GFOD2: variants seen among roughly 807,000 people sequenced by gnomAD.
GFOD2 encodes the protein glucose-fructose oxidoreductase domain-containing protein 2.
In GFOD2, 9 loss-of-function variants were observed where a neutral mutation model predicts 24.6. The ratio of observed to expected loss-of-function variants is 0.37; its 90% CI spans 0.22 to 0.64. The LOEUF (loss-of-function observed/expected upper bound fraction) is 0.64. Among genes scored for constraint, GFOD2 ranks in the 30% least tolerant of loss-of-function variants. The probability of loss-of-function intolerance (pLI) is 0.65; values close to 1 mark genes in which losing one functional copy is unlikely to be tolerated. For missense variants in GFOD2, 476 were observed against 532.5 expected (o/e 0.89, Z 1.04); for synonymous variants, 211 against 224.8 (o/e 0.94, Z 0.55).
Position 67,675,204 on chromosome 16 carries a change from G to C in GFOD2, c.1109C>G (p.Pro370Arg). ...CTCACACAGGTTCTGGTTGGTGTCGGGCTCCTCCGTCAGCACCTCCACAGC... is the reference window on the plus strand; with the variant it reads ...CTCACACAGGTTCTGGTTGGTGTCGCGCTCCTCCGTCAGCACCTCCACAGC... ...WEAVEVLTEEPDTNQNLCEAL... is the reference protein window; with the variant it reads ...WEAVEVLTEERDTNQNLCEAL... The change falls in exon 3 of 3, where the codon CCC (proline) becomes CGC (arginine). Residue 370 changes from proline (P) to arginine (R), a missense_variant. Transcript: ENST00000268797. 6.2e-7 allele frequency: 1 copy of C among 1,613,912 alleles called. No individual in the cohort carries two copies. The highest frequency in any genetic ancestry group is 8.5e-7 in the Non-Finnish European group (1 of 1,180,014).
chr16:67,700,929 C>G (rs1205912020), intron 1 of GFOD2, among the ~76,000 whole-genome samples: 2 of 146,096 alleles, frequency 1.4e-5, no homozygotes, highest in African/African-American at 5.1e-5. Flanking sequence ...CCCAGCTACT[C>G]AGGAGGCTGA....
intron 1 of GFOD2, among the ~76,000 whole-genome samples, chr16:67,699,355 C>T (rs1004701305): frequency 6.6e-6 from 1 of 151,320 alleles, no homozygotes; most frequent in East Asian, 1.9e-4. Context: ...AAAAACAAAA[C>T]AAAACAAAAA....
chr16:67,696,308 C>T (rs1034946540), intron 1 of GFOD2, among the ~76,000 whole-genome samples: 10 of 151,166 alleles, frequency 6.6e-5, no homozygotes, highest in South Asian at 2.1e-4. Flanking sequence ...CCACCGCGCC[C>T]GGCCGGGAAT....
At chr16:67,683,893 G>A in intron 2 of GFOD2, 1 of 1,144,412 alleles carries the variant, frequency 8.7e-7, no homozygotes, top group Non-Finnish European at 1.1e-6. Flanking sequence ...CAGTTACTCA[G>A]TCAAGTAAGT....
intron 1 of GFOD2, among the ~76,000 whole-genome samples, chr16:67,703,905 T>C (rs547011959): frequency 4.6e-5 from 7 of 152,356 alleles, no homozygotes; most frequent in Admixed American, 3.9e-4. Context: ...TGAATCTGAC[T>C]GCCCTAGGTA....
At chr16:67,683,484 C>G (rs912774617) in intron 2 of GFOD2, 19 of 1,231,476 alleles carry the variant, frequency 1.5e-5, no homozygotes, top group Middle Eastern at 3.1e-4. Flanking sequence ...TGACTTAGGT[C>G]TATTTCTGAA....
intron 1 of GFOD2, among the ~76,000 whole-genome samples, chr16:67,702,986 T>G (rs183485372): frequency 6.0e-4 from 92 of 152,298 alleles, no homozygotes; most frequent in Non-Finnish European, 1.2e-3. Flanking sequence ...AATGGATAAC[T>G]TTAGAGGTCA....
chr16:67,683,267 C>T, intron 2 of GFOD2: 1 of 1,149,018 alleles, frequency 8.7e-7, no homozygotes, highest in Non-Finnish European at 1.1e-6. Context: ...GCCAAAGAAC[C>T]CTGGGGTTTC....
chr16:67,696,604 G>C (rs145631764), intron 1 of GFOD2, among the ~76,000 whole-genome samples: 7,086 of 151,724 alleles, frequency 0.047, 464 homozygotes, highest in African/African-American at 0.15. Context: ...CTCCCGAGTA[G>C]CTGGGACTAC....
chr16:67,683,442 C>T, intron 2 of GFOD2: 1 of 1,230,484 alleles, frequency 8.1e-7, no homozygotes, highest in Non-Finnish European at 1.0e-6. Flanking sequence ...TAGCGGCTTG[C>T]TTCCCCTTGA....
At position 67,685,771 on chromosome 16, in the gene GFOD2, G is replaced by C. The variant is rs1229423952; in HGVS notation, c.-56C>G. The stretch of plus-strand genomic sequence containing the variant: ...TCACAAGAGCCTCTGGCATGGATAT[G>C]ATCTTCCAAACGTCCTGGTCAGACA... On this transcript the variant is annotated 5_prime_UTR_variant, in exon 2 of 3. The change creates a new upstream start codon in the 5' untranslated region. Coordinates refer to ENST00000268797, the MANE Select transcript of GFOD2 (RefSeq NM_030819.4). 1 of 1,563,242 alleles carries C rather than the reference G, an allele frequency of 6.4e-7. No homozygotes were observed. The highest frequency in any genetic ancestry group is 8.6e-7 in the Non-Finnish European group (1 of 1,156,754).
chr16:67,714,548 C>A (rs1425784576), intron 1 of GFOD2, among the ~76,000 whole-genome samples: 2 of 148,524 alleles, frequency 1.3e-5, no homozygotes, highest in Non-Finnish European at 3.0e-5. Context: ...AAGTAAAATA[C>A]AATTATGAAA....
chr16:67,689,258 C>T (rs1442482371), intron 1 of GFOD2, among the ~76,000 whole-genome samples: 3 of 150,574 alleles, frequency 2.0e-5, no homozygotes, highest in Non-Finnish European at 4.4e-5. Context: ...AGGCTGGTCT[C>T]GAACTCCTGA....
chr16:67,714,104 A>G (rs914989550), intron 1 of GFOD2, among the ~76,000 whole-genome samples: 3 of 152,118 alleles, frequency 2.0e-5, no homozygotes, highest in Admixed American at 6.5e-5. Context: ...ACAGCCACTG[A>G]CCGTATGAAC....
At chr16:67,691,380 G>C (rs886887348) in intron 1 of GFOD2, among the ~76,000 whole-genome samples, 1 of 151,662 alleles carries the variant, frequency 6.6e-6, no homozygotes, top group Non-Finnish European at 1.5e-5. Flanking sequence ...GCTAATTTTT[G>C]CATTTTTTGT....
intron 1 of GFOD2, among the ~76,000 whole-genome samples, chr16:67,715,937 G>A (rs1430743140): frequency 6.6e-6 from 1 of 152,186 alleles, no homozygotes; most frequent in African/African-American, 2.4e-5. Context: ...GAGCCCAGGA[G>A]TCAGAGGCTG....
At chr16:67,716,708 T>C (rs2053509445) in intron 1 of GFOD2, among the ~76,000 whole-genome samples, 1 of 152,240 alleles carries the variant, frequency 6.6e-6, no homozygotes, top group South Asian at 2.1e-4. Context: ...GAAGCCTTTC[T>C]GACAGAATTT....
chr16:67,708,566 T>C (rs2053453393), intron 1 of GFOD2, among the ~76,000 whole-genome samples: 1 of 152,226 alleles, frequency 6.6e-6, no homozygotes. Flanking sequence ...GTATCATTTC[T>C]GGCAAGCAAA....
chr16:67,707,834 C>A (rs2053449047), intron 1 of GFOD2, among the ~76,000 whole-genome samples: 1 of 152,126 alleles, frequency 6.6e-6, no homozygotes, highest in Admixed American at 6.6e-5. Flanking sequence ...TACAATGAAC[C>A]ACCTCGCCTA....
Sources: gnomAD v4.1 joint callset for allele counts (sites outside exome capture counted in the v4.1 genomes callset) on GRCh38, gnomAD v4.1.1 for gene constraint, MANE v1.5 for transcripts, NCBI Gene and HGNC (gene_info 2026-07-23, HGNC 2026-07-21) for gene names.